Variants in TEX9 observed in about 807,000 individuals in gnomAD.
TEX9 encodes the protein testis-expressed protein 9.
In TEX9, 74 loss-of-function variants were observed where a neutral mutation model predicts 59.6. The observed-to-expected ratio is 1.24, with a 90% CI of 1.03 to 1.51. The LOEUF (loss-of-function observed/expected upper bound fraction) is 1.51. Among genes scored for constraint, TEX9 ranks in the 40% most tolerant of loss-of-function variants. The pLI, the probability that TEX9 is intolerant of heterozygous loss-of-function variation, is 0.00. For missense variants in TEX9, 522 were observed against 447.8 expected, an observed-to-expected ratio of 1.17 and a Z score of -1.49; for synonymous variants, 186 against 152.2, an observed-to-expected ratio of 1.22 and a Z score of -1.64.
intron 1 of TEX9, among the ~76,000 whole-genome samples, chr15:56,304,835 G>A (rs2682009): frequency 9.2e-5 from 14 of 151,900 alleles, no homozygotes; most frequent in South Asian, 8.3e-4. Context: ...CCATCCTCCC[G>A]CCTCAGCCTC....
chr15:56,410,400 G>A (rs1441301155), intron 9 of TEX9, among the ~76,000 whole-genome samples: 2 of 151,404 alleles, frequency 1.3e-5, no homozygotes, highest in Non-Finnish European at 2.9e-5. Context: ...TGAGAGAGTG[G>A]TACATCATTT....
intron 2 of TEX9, among the ~76,000 whole-genome samples, chr15:56,367,130 A>C (rs1420933987): frequency 6.6e-6 from 1 of 152,210 alleles, no homozygotes; most frequent in Non-Finnish European, 1.5e-5. Flanking sequence ...AGAAATATAC[A>C]GGGACTATTA....
the TEX9 span, among the ~76,000 whole-genome samples, chr15:56,458,344 G>C: frequency 1.3e-5 from 2 of 152,072 alleles, no homozygotes; most frequent in African/African-American, 4.8e-5. Flanking sequence ...AAAGTACACA[G>C]AGTTCCCATA....
chr15:56,323,743 AGG>A (rs2045956198), intron 1 of TEX9: 1 of 133,612 alleles, frequency 7.5e-6, no homozygotes, highest in African/African-American at 3.0e-5. Context: ...GAGGAGAAGG[AGG>A]AGAAGGAGGA....
intron 10 of TEX9, among the ~76,000 whole-genome samples, chr15:56,414,369 T>C (rs796475549): frequency 5.3e-5 from 8 of 151,730 alleles, no homozygotes; most frequent in Admixed American, 2.6e-4. Flanking sequence ...TCAATAGTTA[T>C]CTCTTCTGCT....
chr15:56,394,614 C>A, intron 8 of TEX9, 47 bp from the exon 9 acceptor site: 1 of 1,342,364 alleles, frequency 7.4e-7, no homozygotes, highest in Non-Finnish European at 1.0e-6. Context: ...GTTTTGATAA[C>A]AAATCTTACA....
At chr15:56,264,749 TGTC>T (rs1390564468) in intron 1 of TEX9, among the ~76,000 whole-genome samples, 4 of 152,248 alleles carry the variant, frequency 2.6e-5, no homozygotes, top group Non-Finnish European at 5.9e-5. Flanking sequence ...CATTTATATT[TGTC>T]ATCCATTTTG....
chr15:56,434,380 T>C (rs757326411), intron 12 of TEX9: 1 of 1,611,580 alleles, frequency 6.2e-7, no homozygotes, highest in Admixed American at 1.7e-5. Context: ...TTTCTCAATT[T>C]CTTTTCTGCT....
At chr15:56,411,915 A>G (rs2049371507) in intron 9 of TEX9, among the ~76,000 whole-genome samples, 1 of 152,180 alleles carries the variant, frequency 6.6e-6, no homozygotes, top group East Asian at 1.9e-4. Flanking sequence ...ATACAGAAAA[A>G]CAGTGGAGAG....
intron 1 of TEX9, among the ~76,000 whole-genome samples, chr15:56,356,529 T>TA (rs2046687959): frequency 1.3e-5 from 2 of 152,292 alleles, no homozygotes; most frequent in South Asian, 4.1e-4. Context: ...TTGGTAGGCA[T>TA]ACGTGTGTGC....
intron 12 of TEX9, chr15:56,431,297 C>G (rs2050587989): frequency 1.3e-6 from 2 of 1,544,228 alleles, no homozygotes; most frequent in Non-Finnish European, 1.8e-6. Flanking sequence ...AACCAAGGCA[C>G]TCTAAAATCC....
intron 1 of TEX9, among the ~76,000 whole-genome samples, chr15:56,338,645 G>A (rs891446719): frequency 1.3e-5 from 2 of 152,186 alleles, no homozygotes; most frequent in Admixed American, 6.5e-5. Context: ...GGCTGGGCGC[G>A]GTAGCTCATG....
chr15:56,348,265 T>C (rs1472701056), intron 1 of TEX9, among the ~76,000 whole-genome samples: 2 of 152,080 alleles, frequency 1.3e-5, no homozygotes, highest in Non-Finnish European at 2.9e-5. Flanking sequence ...TGTTATGTCA[T>C]GGAAATTTTG....
chr15:56,322,710 C>T (rs574396108), intron 1 of TEX9, among the ~76,000 whole-genome samples: 1 of 152,236 alleles, frequency 6.6e-6, no homozygotes, highest in East Asian at 1.9e-4. Context: ...ATGGAGAAGG[C>T]AGATGGTTTT....
intron 1 of TEX9, among the ~76,000 whole-genome samples, chr15:56,252,032 G>A (rs369637657): frequency 2.1e-4 from 32 of 152,224 alleles, no homozygotes; most frequent in African/African-American, 7.5e-4. Context: ...TACACATAAA[G>A]TTATGGTGTG....
At chr15:56,431,279 G>C in intron 12 of TEX9, 1 of 1,449,888 alleles carries the variant, frequency 6.9e-7, no homozygotes, top group Non-Finnish European at 9.4e-7. Flanking sequence ...CGAGCAAGAA[G>C]TGAGCAAAAC....
intron 3 of TEX9, among the ~76,000 whole-genome samples, chr15:56,375,303 T>C (rs1285130839): frequency 6.6e-6 from 1 of 152,272 alleles, no homozygotes; most frequent in Non-Finnish European, 1.5e-5. Context: ...TTTGGCCGCA[T>C]AAATGTCTTC....
chr15:56,363,305 C>A (rs1215792149), upstream of TEX9, among the ~76,000 whole-genome samples: 2 of 151,134 alleles, frequency 1.3e-5, no homozygotes, highest in Non-Finnish European at 2.9e-5. Context: ...CCCTCTGTCA[C>A]CCAGGCTGGA....
intron 12 of TEX9, among the ~76,000 whole-genome samples, chr15:56,438,756 G>A (rs1217673911): frequency 6.6e-6 from 1 of 151,934 alleles, no homozygotes; most frequent in Non-Finnish European, 1.5e-5. Context: ...CTGACCAAGG[G>A]GTAATATCCA....
Sources: gnomAD v4.1 joint callset for allele counts (sites outside exome capture counted in the v4.1 genomes callset) on GRCh38, gnomAD v4.1.1 for gene constraint, MANE v1.5 for transcripts, NCBI Gene and HGNC (gene_info 2026-07-23, HGNC 2026-07-21) for gene names.